NSMCE2: variants seen among roughly 807,000 people sequenced by gnomAD.
NSMCE2 encodes NSE2 SUMO ligase component of SMC5/6 complex.
A neutral mutation model predicts 23.8 loss-of-function variants in NSMCE2; 24 were observed. The ratio of observed to expected loss-of-function variants is 1.01; its 90% CI spans 0.73 to 1.42. NSMCE2 has a LOEUF of 1.42. NSMCE2 is among the 40% of genes most tolerant of loss of function. NSMCE2 has a pLI of 0.00. For missense variants in NSMCE2, 284 were observed against 296.5 expected (o/e 0.96, Z 0.31); for synonymous variants, 92 against 94.1 (o/e 0.98, Z 0.13).
chr8:125,339,084 A>T (rs1830152841), intron 5 of NSMCE2, among the ~76,000 whole-genome samples: 1 of 152,188 alleles, frequency 6.6e-6, no homozygotes, highest in African/African-American at 2.4e-5. Context: ...GATACATTTT[A>T]AAAAGCTCTC....
chr8:125,220,722 C>T (rs962545973), intron 5 of NSMCE2, among the ~76,000 whole-genome samples: 1 of 151,956 alleles, frequency 6.6e-6, no homozygotes, highest in African/African-American at 2.4e-5. Flanking sequence ...CTCAGCCACA[C>T]CCAAAAGCCC....
chr8:125,322,211 T>C (rs1829486418), intron 5 of NSMCE2, among the ~76,000 whole-genome samples: 1 of 151,808 alleles, frequency 6.6e-6, no homozygotes, highest in South Asian at 2.1e-4. Context: ...TACAAAGAAA[T>C]TTTAAAATTA....
chr8:125,269,715 G>A (rs1426840958), intron 5 of NSMCE2, among the ~76,000 whole-genome samples: 1 of 152,192 alleles, frequency 6.6e-6, no homozygotes, highest in African/African-American at 2.4e-5. Context: ...AAAGCAAATC[G>A]TTTAAGTCTG....
chr8:125,244,855 T>C (rs773342026), intron 5 of NSMCE2, among the ~76,000 whole-genome samples: 11 of 152,180 alleles, frequency 7.2e-5, no homozygotes, highest in Non-Finnish European at 5.9e-5. Context: ...AAAAAAGATA[T>C]AGAGGAGCGA....
chr8:125,342,655 T>C (rs1169709726), intron 5 of NSMCE2, among the ~76,000 whole-genome samples: 1 of 151,174 alleles, frequency 6.6e-6, no homozygotes, highest in East Asian at 2.0e-4. Flanking sequence ...TTTCCCTCCC[T>C]CTCTCTTACT....
chr8:125,124,433 C>T (rs910748606), intron 3 of NSMCE2, among the ~76,000 whole-genome samples: 1 of 151,732 alleles, frequency 6.6e-6, no homozygotes, highest in Non-Finnish European at 1.5e-5. Context: ...TTTATTTGTT[C>T]TCATATTTTG....
chr8:125,197,276 C>T (rs1352769458), intron 5 of NSMCE2, among the ~76,000 whole-genome samples: 2 of 152,126 alleles, frequency 1.3e-5, no homozygotes, highest in African/African-American at 4.8e-5. Context: ...CTTGCCCATG[C>T]CTATGTCCTG....
Position 125,256,273 on chromosome 8 carries a change from C to T in NSMCE2, c.418+74017C>T, listed in dbSNP as rs933817372. On this transcript the variant is annotated intron_variant, in intron 5 of 7. Transcript: ENST00000287437. ...ACTCCAGCTTGGGGACAGAGTGAGACTCCGTCTCAAAAAAAAAAAAAAAAA... is the reference window on the plus strand; with the variant it reads ...ACTCCAGCTTGGGGACAGAGTGAGATTCCGTCTCAAAAAAAAAAAAAAAAA... 1.1e-4 allele frequency among the ~76,000 whole-genome samples: 16 copies of T among 145,092 alleles called. No individual in the cohort carries two copies. In the South Asian group the frequency reaches 2.2e-3, roughly 20 times the overall value.
chr8:125,347,953 C>T (rs144558883), intron 5 of NSMCE2, among the ~76,000 whole-genome samples: 4 of 152,308 alleles, frequency 2.6e-5, no homozygotes, highest in East Asian at 1.9e-4. Context: ...AGAAAATGTA[C>T]GCTGAAAGAT....
At chr8:125,233,747 A>G (rs1167887853) in intron 5 of NSMCE2, among the ~76,000 whole-genome samples, 1 of 152,200 alleles carries the variant, frequency 6.6e-6, no homozygotes. Context: ...AATATATTGT[A>G]ATCACAGATC....
intron 5 of NSMCE2, among the ~76,000 whole-genome samples, chr8:125,266,239 GT>G (rs1563752552): frequency 2.0e-5 from 3 of 152,142 alleles, no homozygotes; most frequent in Non-Finnish European, 4.4e-5. Flanking sequence ...TTACAGGCAT[GT>G]GCCACCACGC....
chr8:125,215,287 C>T lies in NSMCE2; in HGVS notation c.418+33031C>T, dbSNP rs866634273. Among the ~76,000 whole-genome samples the T allele has an allele frequency of 1.4e-4, 21 of 146,798 alleles. No homozygotes were observed. In the South Asian group the frequency reaches 1.5e-3, roughly 11 times the overall value. On this transcript the variant is annotated intron_variant, in intron 5 of 7. Coordinates refer to ENST00000287437, the MANE Select transcript of NSMCE2 (RefSeq NM_173685.4). Reference sequence around the variant, plus strand: ...ATTCCCACCTATGAGTGAGAATATGCGGTGTTTGGTTTTTTGTTCTTGCGA... The same window carrying T: ...ATTCCCACCTATGAGTGAGAATATGTGGTGTTTGGTTTTTTGTTCTTGCGA...
chr8:125,249,531 A>G (rs1230678934), intron 5 of NSMCE2, among the ~76,000 whole-genome samples: 2 of 152,156 alleles, frequency 1.3e-5, no homozygotes, highest in African/African-American at 4.8e-5. Context: ...ACATTTCTCT[A>G]TTTACTCCAA....
At chr8:125,133,783 A>C (rs995939980) in intron 3 of NSMCE2, among the ~76,000 whole-genome samples, 6 of 151,176 alleles carry the variant, frequency 4.0e-5, no homozygotes, top group Non-Finnish European at 7.4e-5. Flanking sequence ...AAACCAAAAC[A>C]AAAAAAAAGA....
At chr8:125,147,972 C>A (rs1820785309) in intron 3 of NSMCE2, among the ~76,000 whole-genome samples, 1 of 152,162 alleles carries the variant, frequency 6.6e-6, no homozygotes, top group African/African-American at 2.4e-5. Flanking sequence ...CATCGTAGGT[C>A]TCTGGTCTCT....
intron 1 of NSMCE2, among the ~76,000 whole-genome samples, chr8:125,101,239 CTAA>C (rs1389097153): frequency 5.9e-5 from 9 of 152,008 alleles, no homozygotes; most frequent in African/African-American, 2.2e-4. Flanking sequence ...TTAAAAAGGA[CTAA>C]TAATGGAGAA....
In NSMCE2 at chr8:125,315,435, C is replaced by T. The variant is rs535714231; in HGVS notation, c.419-41784C>T. Among the ~76,000 whole-genome samples the T allele has an allele frequency of 3.9e-5, 6 of 152,306 alleles. No individual in the cohort carries two copies. The South Asian group carries it at 1.2e-3, about 32-fold the overall frequency. On this transcript the variant is annotated intron_variant, in intron 5 of 7. Coordinates refer to ENST00000287437, the MANE Select transcript of NSMCE2 (RefSeq NM_173685.4). Reference sequence around the variant, plus strand: ...CAGACCTGCTTTCAAATCACACTGACTTCTTGTATTAGCTGAGTCATCTTG... The same window carrying T: ...CAGACCTGCTTTCAAATCACACTGATTTCTTGTATTAGCTGAGTCATCTTG...
chr8:125,336,184 T>C (rs899486517), intron 5 of NSMCE2, among the ~76,000 whole-genome samples: 3 of 152,124 alleles, frequency 2.0e-5, no homozygotes, highest in African/African-American at 7.2e-5. Context: ...TCTAGTATCA[T>C]GGAATCCAGG....
chr8:125,230,924 G>A (rs1825296688), intron 5 of NSMCE2, among the ~76,000 whole-genome samples: 1 of 152,166 alleles, frequency 6.6e-6, no homozygotes, highest in African/African-American at 2.4e-5. Flanking sequence ...TGAACTCTAC[G>A]TAGTAGGTAC....
Sources: gnomAD v4.1 joint callset for allele counts (sites outside exome capture counted in the v4.1 genomes callset) on GRCh38, gnomAD v4.1.1 for gene constraint, MANE v1.5 for transcripts, NCBI Gene and HGNC (gene_info 2026-07-23, HGNC 2026-07-21) for gene names.